Variants in ST3GAL1 observed in about 807,000 individuals in gnomAD.
The protein encoded by ST3GAL1 is CMP-N-acetylneuraminate-beta-galactosamide-alpha-2,3-sialyltransferase 1.
ST3GAL1 carries 16 observed loss-of-function variants against 34.1 expected under a neutral mutation model. The ratio of observed to expected loss-of-function variants is 0.47; its 90% CI spans 0.32 to 0.71. ST3GAL1 has a LOEUF of 0.71. ST3GAL1 is among the 30% of genes least tolerant of loss of function. The pLI is 0.04. For synonymous variants in ST3GAL1, 191 were observed against 184.7 expected (o/e 1.03, Z -0.28); for missense variants, 353 against 447.4 (o/e 0.79, Z 1.90).
chr8:133,534,959 G>A (rs952322924), intron 2 of ST3GAL1, among the ~76,000 whole-genome samples: 1 of 152,238 alleles, frequency 6.6e-6, no homozygotes, highest in Non-Finnish European at 1.5e-5. Flanking sequence ...CAGGGGAAAA[G>A]GAAAGGTACA....
chr8:133,562,794 TTTCCTTCCTTCC>T (rs772597674), intron 1 of ST3GAL1, among the ~76,000 whole-genome samples: 23,253 of 108,340 alleles, frequency 0.21, 3,067 homozygotes, highest in East Asian at 0.44. Context: ...TCTTTCTTTC[TTTCCTTCCTTCC>T]TTCCTTCCTT....
intron 2 of ST3GAL1, among the ~76,000 whole-genome samples, chr8:133,530,360 C>T (rs535461138): frequency 6.6e-6 from 1 of 152,004 alleles, no homozygotes; most frequent in African/African-American, 2.4e-5. Context: ...CGGCTCACTG[C>T]AACCTCTGTC....
chr8:133,473,377 C>T (rs1249649808), intron 5 of ST3GAL1, among the ~76,000 whole-genome samples: 1 of 152,132 alleles, frequency 6.6e-6, no homozygotes, highest in Admixed American at 6.5e-5. Context: ...GGACAAAGGC[C>T]CCCAAGTTTC....
chr8:133,562,613 G>T (rs1375637686), intron 1 of ST3GAL1, among the ~76,000 whole-genome samples: 1 of 152,070 alleles, frequency 6.6e-6, no homozygotes, highest in Non-Finnish European at 1.5e-5. Flanking sequence ...AATGTCGCTG[G>T]GTTGTTCCGG....
At chr8:133,479,216 G>A (rs781514110) in intron 3 of ST3GAL1, among the ~76,000 whole-genome samples, 3 of 152,170 alleles carry the variant, frequency 2.0e-5, no homozygotes, top group Non-Finnish European at 4.4e-5. Context: ...AAGGTGGCTG[G>A]GGTGCATCGT....
chr8:133,473,925 C>A (rs1331696017), intron 5 of ST3GAL1, among the ~76,000 whole-genome samples: 2 of 152,198 alleles, frequency 1.3e-5, no homozygotes, highest in East Asian at 3.8e-4. Flanking sequence ...CCACCTCCTT[C>A]CCTAGACCCT....
rs1287760256 is a variant in ST3GAL1, at chr8:133,541,116, T to TAG, written c.-429+4657_-429+4658insCT. 5.3e-3 allele frequency among the ~76,000 whole-genome samples: 259 copies of TAG among 48,500 alleles called. 29 individuals carry two copies. The highest frequency in any genetic ancestry group is 0.013 in the African/African-American group (124 of 9,220). 31.8% of individuals were successfully genotyped at this position (48,500 alleles called of 152,430 possible). A position where few individuals can be genotyped will look rare whatever the true frequency, so the allele number is the denominator to read the frequency against. On this transcript the variant is annotated intron_variant, in intron 2 of 9. Coordinates refer to ENST00000522652, the MANE Select transcript of ST3GAL1 (RefSeq NM_173344.3). ...ATAAACATATATATATATATATATATATATAGAGAGAGAGAGAGAGAGAGA... is the reference window on the plus strand; with the variant it reads ...ATAAACATATATATATATATATATATAGATATAGAGAGAGAGAGAGAGAGAGA...
chr8:133,531,943 T>A (rs1283221020), intron 2 of ST3GAL1, among the ~76,000 whole-genome samples: 1 of 151,876 alleles, frequency 6.6e-6, no homozygotes, highest in Non-Finnish European at 1.5e-5. Context: ...GCCATTTTCA[T>A]AATGAGACGA....
At chr8:133,463,896 A>C (rs944842225) in intron 7 of ST3GAL1, among the ~76,000 whole-genome samples, 3 of 152,096 alleles carry the variant, frequency 2.0e-5, no homozygotes, top group Non-Finnish European at 2.9e-5. Flanking sequence ...AGCTGGTCCC[A>C]CGGGTGTGAT....
chr8:133,474,077 G>A (rs1225289512), intron 5 of ST3GAL1, among the ~76,000 whole-genome samples: 1 of 152,190 alleles, frequency 6.6e-6, no homozygotes, highest in Non-Finnish European at 1.5e-5. Flanking sequence ...ATAGCCCAGG[G>A]CTTTTGACCT....
rs148184887 is a variant in ST3GAL1 at position 133,565,601 on chromosome 8, T to A, written c.-582+6092A>T. Among the ~76,000 whole-genome samples the A allele has an allele frequency of 6.1e-3, 936 of 152,286 alleles. 7 individuals are homozygous for A. Among genetic ancestry groups the A allele is most frequent in the Non-Finnish European group, 7.5e-3 (513 of 68,018 alleles). The stretch of plus-strand genomic sequence containing the variant: ...CAATGCTTCCTGCTGAACCCCAGAA[T>A]GATAAGATGTTCAAAATACTTGGCA... On this transcript the variant is annotated intron_variant, in intron 1 of 9. Coordinates refer to ENST00000522652, the MANE Select transcript of ST3GAL1 (RefSeq NM_173344.3).
At chr8:133,471,695 C>T (rs115872490) in intron 5 of ST3GAL1, among the ~76,000 whole-genome samples, 21 of 152,022 alleles carry the variant, frequency 1.4e-4, no homozygotes, top group Non-Finnish European at 2.2e-4. Flanking sequence ...AAAGTGAGGA[C>T]AATGAGATAC....
At chr8:133,530,203 C>T (rs957316834) in intron 2 of ST3GAL1, among the ~76,000 whole-genome samples, 1 of 152,112 alleles carries the variant, frequency 6.6e-6, no homozygotes, top group East Asian at 1.9e-4. Flanking sequence ...GTGAGCATCA[C>T]GCTGAGGACC....
chr8:133,479,879 C>T (rs1452678883), intron 3 of ST3GAL1, among the ~76,000 whole-genome samples: 2 of 152,176 alleles, frequency 1.3e-5, no homozygotes, highest in African/African-American at 4.8e-5. Flanking sequence ...GCAAGAACAC[C>T]GCTATACCCC....
At chr8:133,513,777 T>C (rs1028831849) in intron 2 of ST3GAL1, among the ~76,000 whole-genome samples, 21 of 151,932 alleles carry the variant, frequency 1.4e-4, no homozygotes, top group Non-Finnish European at 7.4e-5. Flanking sequence ...CTTGCGCCTA[T>C]AATCCCAGCT....
In ST3GAL1 at chr8:133,535,525, A is replaced by ATTTTTTTTTT. The variant is rs112708766; in HGVS notation, c.-429+10239_-429+10248dup. Among the ~76,000 whole-genome samples, 28 of 145,024 alleles carry ATTTTTTTTTT rather than the reference A, an allele frequency of 1.9e-4. No individual in the cohort carries two copies. In the Middle Eastern group the frequency reaches 0.018, roughly 92 times the overall value. ...TTTTTTAGCAAGAAAGTATTTTTTA[A>ATTTTTTTTTT]TTTTTTTTTTTAGAAACAAGGTCTC... On this transcript the variant is annotated intron_variant, in intron 2 of 9. Coordinates refer to ENST00000522652, the MANE Select transcript of ST3GAL1 (RefSeq NM_173344.3).
At chr8:133,494,746 C>T (rs1816890506) in intron 3 of ST3GAL1, among the ~76,000 whole-genome samples, 1 of 151,852 alleles carries the variant, frequency 6.6e-6, no homozygotes, top group South Asian at 2.1e-4. Context: ...TCAAGCAGGC[C>T]AAGCACAGGA....
At chr8:133,465,058 G>T (rs1416653225) in intron 6 of ST3GAL1, 101 bp from the exon 7 acceptor site, 2 of 1,232,172 alleles carry the variant, frequency 1.6e-6, no homozygotes, top group Non-Finnish European at 2.3e-6. Flanking sequence ...GACTTCAGGG[G>T]TGTCACCTGC....
At chr8:133,468,290 G>T (rs540255161) in intron 5 of ST3GAL1, among the ~76,000 whole-genome samples, 1 of 152,248 alleles carries the variant, frequency 6.6e-6, no homozygotes, top group African/African-American at 2.4e-5. Context: ...GCTATAAAAA[G>T]AAAATTTTGA....
Sources: allele counts gnomAD v4.1 joint callset (sites outside exome capture counted in the v4.1 genomes callset), GRCh38; gene constraint gnomAD v4.1.1; transcripts MANE v1.5; gene names NCBI Gene and HGNC (gene_info 2026-07-23, HGNC 2026-07-21).